PRKCB: variants seen among roughly 807,000 people sequenced by gnomAD.
The protein encoded by PRKCB is protein kinase C beta type.
A neutral mutation model predicts 81.5 loss-of-function variants in PRKCB; 13 were observed. That is an observed-to-expected ratio of 0.16 (90% confidence interval 0.10 to 0.25). The LOEUF is 0.25. Ranked by LOEUF, PRKCB falls within the 10% of genes least tolerant of loss-of-function variation. PRKCB has a pLI of 1.00. For missense variants in PRKCB, 509 were observed against 875.7 expected, an observed-to-expected ratio of 0.58 and a Z score of 5.29; for synonymous variants, 335 against 321.4, an observed-to-expected ratio of 1.04 and a Z score of -0.45.
At chr16:24,148,067 T>A (rs1967021635) in intron 9 of PRKCB, among the ~76,000 whole-genome samples, 1 of 152,176 alleles carries the variant, frequency 6.6e-6, no homozygotes, top group African/African-American at 2.4e-5. Context: ...GGAGTCAGCA[T>A]CTGCAATTTG....
chr16:23,956,527 T>G (rs74473366), intron 2 of PRKCB, among the ~76,000 whole-genome samples: 3,648 of 152,248 alleles, frequency 0.024, 103 homozygotes, highest in African/African-American at 0.069. Flanking sequence ...TGAACACTCT[T>G]GGGCACTGTA....
rs973095456 is a variant in PRKCB at position 23,993,006 on chromosome 16, G to T, written c.288+4416G>T. On this transcript the variant is annotated intron_variant, in intron 3 of 16. Coordinates refer to ENST00000643927, the MANE Select transcript of PRKCB (RefSeq NM_002738.7). ...TGTCTAAGGGAACTAACCCTGCATT[G>T]CCCTAAGAAACAGTAATGGCTTTCC... Among the ~76,000 whole-genome samples, 6 of 152,152 alleles carry T rather than the reference G, an allele frequency of 3.9e-5. No individual in the cohort carries two copies. The South Asian group carries it at 1.0e-3, about 26-fold the overall frequency.
intron 2 of PRKCB, among the ~76,000 whole-genome samples, chr16:23,911,127 G>GTTTTTTTTTTT (rs1567310884): frequency 8.5e-5 from 1 of 11,788 alleles, no homozygotes; most frequent in Non-Finnish European, 1.7e-4. Flanking sequence ...ACGTATATAT[G>GTTTTTTTTTTT]CTTTTTTTTT....
chr16:24,095,269 A>T (rs1455340657), intron 7 of PRKCB, among the ~76,000 whole-genome samples: 1 of 152,196 alleles, frequency 6.6e-6, no homozygotes, highest in Non-Finnish European at 1.5e-5. Flanking sequence ...TATGACTCAA[A>T]TCAGCCTCCC....
intron 9 of PRKCB, among the ~76,000 whole-genome samples, chr16:24,133,974 C>T (rs1391298439): frequency 1.3e-5 from 2 of 151,396 alleles, no homozygotes; most frequent in African/African-American, 4.9e-5. Flanking sequence ...TGGTTCGCTG[C>T]AGCTTCAACC....
intron 2 of PRKCB, among the ~76,000 whole-genome samples, chr16:23,890,126 C>G (rs935338526): frequency 1.3e-5 from 2 of 152,162 alleles, no homozygotes; most frequent in Non-Finnish European, 2.9e-5. Context: ...TTTAGTAGGT[C>G]CTATTGAACA....
At chr16:23,874,370 T>C (rs1314818941) in intron 2 of PRKCB, among the ~76,000 whole-genome samples, 1 of 152,236 alleles carries the variant, frequency 6.6e-6, no homozygotes, top group East Asian at 1.9e-4. Context: ...TCTCATGTTC[T>C]AGATTTGGGG....
intron 16 of PRKCB, chr16:24,203,226 C>T (rs1035276795): frequency 4.0e-5 from 6 of 150,572 alleles, no homozygotes; most frequent in Non-Finnish European, 5.9e-5. Flanking sequence ...TCCTCCTGCT[C>T]GAGTGACAGA....
At chr16:24,121,337 G>A (rs1055769207) in intron 8 of PRKCB, among the ~76,000 whole-genome samples, 4 of 152,220 alleles carry the variant, frequency 2.6e-5, no homozygotes, top group African/African-American at 9.6e-5. Context: ...ACCTAGAGGA[G>A]CACTTAGCAT....
intron 5 of PRKCB, among the ~76,000 whole-genome samples, chr16:24,041,861 G>T (rs1965701716): frequency 6.6e-6 from 1 of 151,922 alleles, no homozygotes; most frequent in African/African-American, 2.4e-5. Flanking sequence ...GTGGATGCCT[G>T]TAATCCCAGC....
At chr16:24,177,073 A>G (rs1386466417) in intron 12 of PRKCB, among the ~76,000 whole-genome samples, 2 of 152,218 alleles carry the variant, frequency 1.3e-5, no homozygotes, top group Non-Finnish European at 2.9e-5. Context: ...ATGTGCCTCT[A>G]CTAAAATAGA....
chr16:24,016,932 G>A (rs1185283914), intron 3 of PRKCB, among the ~76,000 whole-genome samples: 1 of 152,192 alleles, frequency 6.6e-6, no homozygotes, highest in Non-Finnish European at 1.5e-5. Flanking sequence ...GAAGTATGAG[G>A]TCAGATGCTT....
chr16:24,066,569 G>A lies in PRKCB; in HGVS notation c.530-26222G>A, dbSNP rs528746340. Among the ~76,000 whole-genome samples, 23 of 152,002 alleles carry A rather than the reference G, an allele frequency of 1.5e-4. 1 individual carries two copies. In the South Asian group the frequency reaches 4.8e-3, roughly 32 times the overall value. Reference sequence around the variant, plus strand: ...ATGACACATCCGTCAAAATGAAGATGTTAACACTAATTAGTACTGTATTGT... The same window carrying A: ...ATGACACATCCGTCAAAATGAAGATATTAACACTAATTAGTACTGTATTGT... On this transcript the variant is annotated intron_variant, in intron 5 of 16. Coordinates refer to ENST00000643927, the MANE Select transcript of PRKCB (RefSeq NM_002738.7).
At chr16:24,177,607 G>A (rs1299817564) in intron 12 of PRKCB, among the ~76,000 whole-genome samples, 1 of 152,188 alleles carries the variant, frequency 6.6e-6, no homozygotes, top group Non-Finnish European at 1.5e-5. Context: ...GGCCAAGGAA[G>A]CAGAAAGCAT....
intron 3 of PRKCB, among the ~76,000 whole-genome samples, chr16:24,021,058 C>CTTTCTTTCTTTCTTTCTTTCTTT (rs1567346789): frequency 3.7e-5 from 2 of 54,280 alleles, no homozygotes; most frequent in Non-Finnish European, 7.2e-5. Flanking sequence ...TTCTTTCTTT[C>CTTTCTTTCTTTCTTTCTTTCTTT]CCTCCCTCCC....
intron 2 of PRKCB, among the ~76,000 whole-genome samples, chr16:23,873,715 C>A (rs550505069): frequency 7.6e-4 from 115 of 152,312 alleles, no homozygotes; most frequent in African/African-American, 2.7e-3. Context: ...AGCTGGGCTC[C>A]ACCCTTGCAG....
intron 16 of PRKCB, among the ~76,000 whole-genome samples, chr16:24,206,662 C>T (rs1287718196): frequency 6.6e-6 from 1 of 152,210 alleles, no homozygotes; most frequent in Non-Finnish European, 1.5e-5. Flanking sequence ...GTCACTCCCT[C>T]CAGACAGAGT....
At chr16:24,070,175 G>A (rs1247884520) in intron 5 of PRKCB, among the ~76,000 whole-genome samples, 1 of 148,592 alleles carries the variant, frequency 6.7e-6, no homozygotes, top group Non-Finnish European at 1.5e-5. Context: ...TTGAGACAAG[G>A]TCTTGCTCTG....
intron 2 of PRKCB, among the ~76,000 whole-genome samples, chr16:23,944,257 A>G (rs1964176093): frequency 6.6e-6 from 1 of 152,086 alleles, no homozygotes; most frequent in Non-Finnish European, 1.5e-5. Flanking sequence ...AGGTTATTTG[A>G]CTCCATTGCC....
Sources: gnomAD v4.1 joint callset for allele counts (sites outside exome capture counted in the v4.1 genomes callset) on GRCh38, gnomAD v4.1.1 for gene constraint, MANE v1.5 for transcripts, NCBI Gene and HGNC (gene_info 2026-07-23, HGNC 2026-07-21) for gene names.